The following SUMF1 variants were observed in gnomAD, a reference collection of about 807,000 sequenced individuals.
The protein encoded by SUMF1 is sulfatase modifying factor 1, also known as formylglycine-generating enzyme.
A neutral mutation model predicts 47.6 loss-of-function variants in SUMF1; 48 were observed. The observed-to-expected ratio is 1.01, with a 90% confidence interval of 0.80 to 1.28. The LOEUF is 1.28. Among genes scored for constraint, SUMF1 ranks in the 50% most tolerant of loss-of-function variants. The pLI, the probability that SUMF1 is intolerant of heterozygous loss-of-function variation, is 0.00. For synonymous variants in SUMF1, 230 were observed against 192.1 expected (o/e 1.20, Z -1.63); for missense variants, 571 against 485.4 (o/e 1.18, Z -1.66).
intron 8 of SUMF1, among the ~76,000 whole-genome samples, chr3:4,321,197 A>G (rs560028441): frequency 6.6e-6 from 1 of 152,124 alleles, no homozygotes; most frequent in Non-Finnish European, 1.5e-5. Flanking sequence ...ATAGATACAG[A>G]AGGTTACATA....
At chr3:4,318,309 A>G (rs59614252) in intron 8 of SUMF1, among the ~76,000 whole-genome samples, 1,663 of 152,352 alleles carry the variant, frequency 0.011, 21 homozygotes, top group African/African-American at 0.037. Flanking sequence ...GAAAATCAGT[A>G]AATCCAGTAT....
chr3:4,350,614 T>C (rs137985362), intron 8 of SUMF1, among the ~76,000 whole-genome samples: 70 of 152,160 alleles, frequency 4.6e-4, no homozygotes, highest in African/African-American at 1.6e-3. Context: ...AACTAAAAAA[T>C]AATAAATTTT....
intron 8 of SUMF1, chr3:4,303,807 G>C: frequency 3.6e-6 from 5 of 1,396,240 alleles, no homozygotes; most frequent in Non-Finnish European, 4.8e-6. Context: ...CCTGTCCTCA[G>C]AACTCAAGGA....
intron 8 of SUMF1, among the ~76,000 whole-genome samples, chr3:4,365,241 G>C (rs1699911768): frequency 1.7e-5 from 2 of 119,814 alleles, no homozygotes; most frequent in Non-Finnish European, 3.9e-5. Context: ...TCTGCTTGGT[G>C]CAGAGCTGAG....
In SUMF1 at chr3:4,141,385, A is replaced by G. The variant is rs1460476304; in HGVS notation, c.1015-72640T>C. Among the ~76,000 whole-genome samples the G allele has an allele frequency of 2.0e-5, 3 of 152,174 alleles. No homozygotes were observed. In the East Asian group the frequency reaches 5.8e-4, roughly 29 times the overall value. On this transcript the variant is annotated intron_variant and NMD_transcript_variant, in intron 8 of 12. Transcript: ENST00000448413. The stretch of plus-strand genomic sequence containing the variant: ...TAGAAGCCTTTAAGAAGATCTGACC[A>G]GAAATGCAACCTAGGTTATAACTGT...
At chr3:4,264,191 C>T (rs930163627) in intron 8 of SUMF1, among the ~76,000 whole-genome samples, 3 of 152,066 alleles carry the variant, frequency 2.0e-5, no homozygotes, top group Non-Finnish European at 1.5e-5. Context: ...ATAAAGCTCC[C>T]ACCCAAAGGC....
chr3:4,361,836 G>C lies in SUMF1; in HGVS notation c.*308C>G. The stretch of plus-strand genomic sequence containing the variant: ...TCGGACCTGGGGTCTAACCCCTGTG[G>C]CAGAGCCTGCGTAGGACGCGGGCCT... On this transcript the variant is annotated 3_prime_UTR_variant, in exon 9 of 9. Transcript: ENST00000272902. 1 of 385,694 alleles carries C rather than the reference G, an allele frequency of 2.6e-6. No homozygotes were observed. The highest frequency in any genetic ancestry group is 4.9e-6 in the Non-Finnish European group (1 of 203,128). The allele number at this position is 385,694 out of a possible 1,614,324, so 23.9% of individuals were successfully genotyped here.
chr3:4,441,650 T>C (rs1702591457), intron 3 of SUMF1, among the ~76,000 whole-genome samples: 2 of 152,316 alleles, frequency 1.3e-5, no homozygotes, highest in South Asian at 4.1e-4. Context: ...AAGATTCTTG[T>C]CTCAAATTAA....
intron 8 of SUMF1, among the ~76,000 whole-genome samples, chr3:4,115,172 A>G (rs1693394144): frequency 6.6e-6 from 1 of 151,888 alleles, no homozygotes; most frequent in African/African-American, 2.4e-5. Context: ...GCACCAGTGG[A>G]CTCTGGCAGG....
intron 3 of SUMF1, among the ~76,000 whole-genome samples, chr3:4,440,429 T>G (rs1575224929): frequency 6.6e-6 from 1 of 152,184 alleles, no homozygotes; most frequent in African/African-American, 2.4e-5. Context: ...ACCTTAGAAT[T>G]CCGCTGGACC....
intron 7 of SUMF1, among the ~76,000 whole-genome samples, chr3:4,398,859 A>T (rs1436918900): frequency 6.6e-6 from 1 of 152,226 alleles, no homozygotes; most frequent in East Asian, 1.9e-4. Context: ...GTGACAAAAT[A>T]CTACTACAAG....
intron 3 of SUMF1, among the ~76,000 whole-genome samples, chr3:4,441,096 G>C (rs539886410): frequency 1.3e-5 from 2 of 152,258 alleles, no homozygotes; most frequent in Admixed American, 1.3e-4. Flanking sequence ...GGAGGTGAGT[G>C]GCAGGCGAGC....
At chr3:4,173,642 A>G (rs1441307929) in intron 8 of SUMF1, among the ~76,000 whole-genome samples, 1 of 152,214 alleles carries the variant, frequency 6.6e-6, no homozygotes, top group Non-Finnish European at 1.5e-5. Flanking sequence ...ATGCCCATCA[A>G]TGATAGACTG....
intron 8 of SUMF1, among the ~76,000 whole-genome samples, chr3:4,251,652 C>G (rs914204148): frequency 6.6e-6 from 1 of 152,170 alleles, no homozygotes; most frequent in East Asian, 1.9e-4. Flanking sequence ...TTCAGACAGT[C>G]AATCCTTTGA....
At position 4,071,339 on chromosome 3, in the gene SUMF1, T is replaced by C. The variant is rs538759640; in HGVS notation, c.1015-2594A>G. Among the ~76,000 whole-genome samples the C allele has an allele frequency of 1.4e-3, 216 of 152,170 alleles. 3 individuals are homozygous for C. Among genetic ancestry groups the C allele is most frequent in the East Asian group, 7.4e-3 (38 of 5,158 alleles). Reference sequence around the variant, plus strand: ...CCACAGAGGGCGAGCCAAAGCAGGGTGGGGCATCGCCTCACCTGAAACACC... The same window carrying C: ...CCACAGAGGGCGAGCCAAAGCAGGGCGGGGCATCGCCTCACCTGAAACACC... On this transcript the variant is annotated intron_variant and NMD_transcript_variant, in intron 8 of 12. Coordinates refer to the SUMF1 transcript ENST00000448413.
At chr3:4,303,589 G>A (rs1698043184) in intron 8 of SUMF1, 1 of 1,377,476 alleles carries the variant, frequency 7.3e-7, no homozygotes, top group African/African-American at 1.5e-5. Context: ...GTCTCCTCAA[G>A]CCGCCTCGCT....
downstream of SUMF1, among the ~76,000 whole-genome samples, chr3:4,357,630 C>T (rs1429965808): frequency 8.2e-5 from 11 of 134,704 alleles, no homozygotes; most frequent in African/African-American, 1.7e-4. Flanking sequence ...TATTTTGAGA[C>T]GGAGTTTCGC....
At chr3:4,067,572 C>A (rs1447647064) in intron 9 of SUMF1, among the ~76,000 whole-genome samples, 1 of 152,176 alleles carries the variant, frequency 6.6e-6, no homozygotes, top group Non-Finnish European at 1.5e-5. Context: ...GCATTCTGTA[C>A]AGGAGGCAAT....
chr3:4,313,725 T>G, intron 8 of SUMF1: 1 of 1,614,056 alleles, frequency 6.2e-7, no homozygotes, highest in Non-Finnish European at 8.5e-7. Context: ...GCTCAGCCCC[T>G]TCTGTGTTCC....
Sources: allele counts gnomAD v4.1 joint callset (sites outside exome capture counted in the v4.1 genomes callset), GRCh38; gene constraint gnomAD v4.1.1; transcripts MANE v1.5; gene names NCBI Gene and HGNC (gene_info 2026-07-23, HGNC 2026-07-21).